The following PAK3 variants were observed in gnomAD, a reference collection of about 807,000 sequenced individuals.
The protein encoded by PAK3 is serine/threonine-protein kinase PAK 3.
In PAK3, 4 loss-of-function variants were observed where a neutral mutation model predicts 41.0. That is an observed-to-expected ratio of 0.10 (90% CI 0.05 to 0.22). The LOEUF (loss-of-function observed/expected upper bound fraction) is 0.22, where lower values mean the gene tolerates loss of function less well. PAK3 is among the 10% of genes least tolerant of loss of function. The pLI, the probability that PAK3 is intolerant of heterozygous loss-of-function variation, is 1.00. For missense variants in PAK3, 205 were observed against 409.9 expected, an observed-to-expected ratio of 0.50 and a Z score of 4.32; for synonymous variants, 146 against 139.6, an observed-to-expected ratio of 1.05 and a Z score of -0.32.
intron 3 of PAK3, among the ~76,000 whole-genome samples, chrX:111,102,112 A>G: frequency 9.0e-6 from 1 of 111,370 alleles, no homozygotes; most frequent in Non-Finnish European, 1.9e-5. Context: ...TTGAGGACAA[A>G]CACCACTGTG....
rs1450673661 is a variant in PAK3 at position 111,163,013 on chromosome X, A to T, written c.567A>T (p.Pro189=). ...EEEEDENEPP[P]VIAPRPEHTK... is the part of the protein sequence containing the mutation. ...AAGAAGATGAAAATGAGCCACCACC[A>T]GTTATCGCACCAAGACCAGAGCATA... The change falls in exon 9 of 18, where the codon CCA becomes CCT. Residue 189 remains proline (P), a synonymous_variant. Transcript: ENST00000372007. The T allele has an allele frequency of 4.1e-6, 5 of 1,206,848 alleles. No homozygotes were observed. Among genetic ancestry groups the T allele is most frequent in the African/African-American group, 1.8e-5 (1 of 57,058 alleles).
chrX:111,194,510 A>G lies in PAK3; in HGVS notation c.1110+92A>G, dbSNP rs759158517. ...TCAGAATGTTTGTATCATCAAAGTAACAATAGTAGAACTTTTCCACTGAAA... is the reference window on the plus strand; with the variant it reads ...TCAGAATGTTTGTATCATCAAAGTAGCAATAGTAGAACTTTTCCACTGAAA... On this transcript the variant is annotated intron_variant, in intron 14 of 17. Coordinates refer to ENST00000372007, the MANE Select transcript of PAK3 (RefSeq NM_002578.5). The G allele has an allele frequency of 2.3e-5, 14 of 599,135 alleles. No homozygotes were observed. The South Asian group carries it at 2.7e-4, about 11-fold the overall frequency. 49.4% of individuals were successfully genotyped at this position (599,135 alleles called of 1,213,427 possible).
chrX:111,045,712 AG>A (rs1206463948), intron 1 of PAK3, among the ~76,000 whole-genome samples: 1 of 111,764 alleles, frequency 8.9e-6, no homozygotes, highest in African/African-American at 3.3e-5. Flanking sequence ...TGTTGTCCTG[AG>A]CAACATTATT....
At chrX:110,989,266 T>A (rs1195083570) in intron 1 of PAK3, among the ~76,000 whole-genome samples, 1 of 111,925 alleles carries the variant, frequency 8.9e-6, no homozygotes, top group Non-Finnish European at 1.9e-5. Flanking sequence ...ATTTCAAAAC[T>A]CTTCATCTCC....
chrX:111,180,946 G>A (rs910463336), intron 11 of PAK3, among the ~76,000 whole-genome samples: 5 of 111,579 alleles, frequency 4.5e-5, no homozygotes, highest in Admixed American at 1.9e-4. Context: ...TATGTAAAAG[G>A]ATATGTGCAT....
At chrX:111,036,388 T>A (rs916995411) in intron 1 of PAK3, among the ~76,000 whole-genome samples, 1 of 112,354 alleles carries the variant, frequency 8.9e-6, no homozygotes, top group African/African-American at 3.2e-5. Context: ...AAAAAGACGT[T>A]TAATTGACTC....
chrX:111,009,997 AT>A (rs2091988812), intron 1 of PAK3, among the ~76,000 whole-genome samples: 1 of 111,673 alleles, frequency 9.0e-6, no homozygotes, highest in South Asian at 3.8e-4. Flanking sequence ...AGAAAAAAAA[AT>A]ATTCATTTGC....
chrX:110,970,386 T>C (rs2148630491), intron 1 of PAK3, among the ~76,000 whole-genome samples: 1 of 112,400 alleles, frequency 8.9e-6, no homozygotes, highest in African/African-American at 3.2e-5. Context: ...TGTTAGTTTC[T>C]TTGGCTGAAC....
chrX:110,984,908 C>A lies in PAK3; in HGVS notation c.-28+40280C>A, dbSNP rs143493050. Among the ~76,000 whole-genome samples, 19 of 109,778 alleles carry A rather than the reference C, an allele frequency of 1.7e-4. No homozygotes were observed. The East Asian group carries it at 5.2e-3, about 30-fold the overall frequency. ...CTTTGGGAGGTCAGGGCGGGCAAAT[C>A]GCTTGAGCCCAGGAGTTTGAGACCA... is the stretch of plus-strand genomic sequence containing the variant. On this transcript the variant is annotated intron_variant, in intron 1 of 14. Transcript: ENST00000425146.
At chrX:111,078,024 C>T (rs777685722) in intron 1 of PAK3, among the ~76,000 whole-genome samples, 1 of 111,794 alleles carries the variant, frequency 8.9e-6, no homozygotes, top group African/African-American at 3.2e-5. Context: ...TTTCTCAAAA[C>T]AAGACATGCA....
chrX:110,989,024 A>G (rs2091595591), intron 1 of PAK3, among the ~76,000 whole-genome samples: 1 of 112,355 alleles, frequency 8.9e-6, no homozygotes, highest in Non-Finnish European at 1.9e-5. Flanking sequence ...TAATTAGCTT[A>G]AAACTATCCT....
rs756042947 is a variant in PAK3 at position 111,007,122 on chromosome X, A to G, written c.-28+62494A>G. Among the ~76,000 whole-genome samples the G allele has an allele frequency of 5.4e-5, 6 of 110,363 alleles. No individual in the cohort carries two copies. In the East Asian group the frequency reaches 1.7e-3, roughly 32 times the overall value. ...TGAATTACCCCACCATAAATTTGTCAGTCAGTAAACAAGTATTTTGGAACT... is the reference window on the plus strand; with the variant it reads ...TGAATTACCCCACCATAAATTTGTCGGTCAGTAAACAAGTATTTTGGAACT... On this transcript the variant is annotated intron_variant, in intron 1 of 14. Transcript: ENST00000425146.
At chrX:111,144,896 G>A (rs1178476402) in intron 6 of PAK3, 10 of 1,136,906 alleles carry the variant, frequency 8.8e-6, no homozygotes, top group South Asian at 3.9e-5. Flanking sequence ...TGTGACGGTC[G>A]CTTCAAGTCA....
chrX:111,027,247 A>T (rs2092284235), intron 1 of PAK3, among the ~76,000 whole-genome samples: 1 of 111,632 alleles, frequency 9.0e-6, no homozygotes, highest in South Asian at 3.8e-4. Flanking sequence ...TCTTCTAGAC[A>T]TTGGCTTAGG....
intron 5 of PAK3, among the ~76,000 whole-genome samples, chrX:111,132,950 A>G (rs1281311031): frequency 9.0e-6 from 1 of 110,970 alleles, no homozygotes; most frequent in African/African-American, 3.3e-5. Context: ...GAGAAAACAG[A>G]TACAGTGGTG....
intron 1 of PAK3, among the ~76,000 whole-genome samples, chrX:111,047,229 T>C (rs2092508011): frequency 8.9e-6 from 1 of 111,738 alleles, no homozygotes. Context: ...ATGTGTGAGA[T>C]AAAAAGAAGA....
intron 11 of PAK3, among the ~76,000 whole-genome samples, chrX:111,182,697 A>G (rs1247639200): frequency 9.0e-6 from 1 of 111,185 alleles, no homozygotes; most frequent in Non-Finnish European, 1.9e-5. Flanking sequence ...ATACAGATAT[A>G]TATAGATATA....
At position 111,226,542 on chromosome X, in the gene PAK3, CACTT is replaced by C. The variant is rs1249568101; in HGVS notation, c.*6098_*6101del. 1 of 112,471 alleles carries C rather than the reference CACTT, an allele frequency of 8.9e-6. No homozygotes were observed. Among genetic ancestry groups the C allele is most frequent in the Non-Finnish European group, 1.9e-5 (1 of 53,336 alleles). 9.3% of individuals were successfully genotyped at this position (112,471 alleles called of 1,213,427 possible). On this transcript the variant is annotated 3_prime_UTR_variant, in exon 18 of 18. Coordinates refer to ENST00000372007, the MANE Select transcript of PAK3 (RefSeq NM_002578.5). The stretch of plus-strand genomic sequence containing the variant: ...TGAGACTGCTAAGAGTGAACCTAAA[CACTT>C]ACAAGTTGCAGAGAGAAATGAAAAA...
chrX:110,983,512 A>G (rs1166801420), intron 1 of PAK3, among the ~76,000 whole-genome samples: 1 of 44,850 alleles, frequency 2.2e-5, no homozygotes, highest in African/African-American at 6.7e-5. Flanking sequence ...GTTTGTGTGC[A>G]TGTGTGTGTA....
Sources: gnomAD v4.1 joint callset for allele counts (sites outside exome capture counted in the v4.1 genomes callset) on GRCh38, gnomAD v4.1.1 for gene constraint, MANE v1.5 for transcripts, NCBI Gene and HGNC (gene_info 2026-07-23, HGNC 2026-07-21) for gene names.